The following QTMAN variants were observed in gnomAD, a reference collection of about 807,000 sequenced individuals.
QTMAN encodes queuosine-tRNA mannosyltransferase.
the QTMAN span, among the ~76,000 whole-genome samples, chr2:144,066,572 T>C: frequency 2.0e-5 from 3 of 152,172 alleles, no homozygotes; most frequent in Admixed American, 6.5e-5. Flanking sequence ...TCCCAGCACT[T>C]TGGGAGGCCG....
the QTMAN span, among the ~76,000 whole-genome samples, chr2:144,116,654 A>C: frequency 4.6e-5 from 7 of 152,224 alleles, no homozygotes; most frequent in Non-Finnish European, 7.3e-5. Flanking sequence ...GAGAGAGCAC[A>C]TGCAAGAGAA....
the QTMAN span, among the ~76,000 whole-genome samples, chr2:144,132,236 C>T: frequency 6.6e-6 from 1 of 151,854 alleles, no homozygotes; most frequent in South Asian, 2.1e-4. Context: ...AATTAAATTA[C>T]TGGGAAGTAA....
the QTMAN span, among the ~76,000 whole-genome samples, chr2:144,096,726 G>T: frequency 3.9e-5 from 6 of 152,246 alleles, no homozygotes; most frequent in Non-Finnish European, 2.9e-5. Context: ...AGCAATCAAA[G>T]TGCTCAGAAA....
the QTMAN span, among the ~76,000 whole-genome samples, chr2:143,978,256 T>A: frequency 6.6e-6 from 1 of 152,216 alleles, no homozygotes; most frequent in Non-Finnish European, 1.5e-5. Flanking sequence ...TTAGATGTGA[T>A]CCTTGCTTGG....
the QTMAN span, among the ~76,000 whole-genome samples, chr2:144,257,034 A>G: frequency 6.6e-6 from 1 of 151,964 alleles, no homozygotes; most frequent in Non-Finnish European, 1.5e-5. Flanking sequence ...CAAATAAACT[A>G]AAAAAATTTT....
the QTMAN span, among the ~76,000 whole-genome samples, chr2:144,156,953 G>A: frequency 2.0e-5 from 3 of 152,016 alleles, no homozygotes; most frequent in African/African-American, 7.2e-5. Context: ...GAGGTCATCT[G>A]CCCCACGTTA....
At chr2:144,305,472 T>C in the QTMAN span, among the ~76,000 whole-genome samples, 1 of 152,236 alleles carries the variant, frequency 6.6e-6, no homozygotes, top group East Asian at 1.9e-4. Context: ...TCTATCATTA[T>C]ACCAGTATCG....
the QTMAN span, among the ~76,000 whole-genome samples, chr2:143,995,819 T>C: frequency 1.3e-5 from 2 of 152,292 alleles, no homozygotes; most frequent in African/African-American, 4.8e-5. Flanking sequence ...CTCATCTAAA[T>C]AACAGACTTG....
At chr2:144,264,901 G>A in the QTMAN span, among the ~76,000 whole-genome samples, 1 of 152,188 alleles carries the variant, frequency 6.6e-6, no homozygotes, top group Non-Finnish European at 1.5e-5. Context: ...AGGAGAGAAG[G>A]AGCGCAATGG....
the QTMAN span, among the ~76,000 whole-genome samples, chr2:144,176,791 G>A: frequency 6.6e-6 from 1 of 152,098 alleles, no homozygotes; most frequent in African/African-American, 2.4e-5. Context: ...TGACTAAATG[G>A]AAAGCTGTAC....
the QTMAN span, among the ~76,000 whole-genome samples, chr2:144,252,439 T>C: frequency 6.6e-6 from 1 of 152,024 alleles, no homozygotes; most frequent in East Asian, 1.9e-4. Context: ...GAACAAACAC[T>C]TCACCAAAGA....
the QTMAN span, among the ~76,000 whole-genome samples, chr2:144,105,778 G>A: frequency 6.6e-6 from 1 of 152,128 alleles, no homozygotes; most frequent in African/African-American, 2.4e-5. Flanking sequence ...TCCTCGAGAA[G>A]AGTAACTCCA....
the QTMAN span, among the ~76,000 whole-genome samples, chr2:144,066,573 T>C: frequency 6.6e-6 from 1 of 152,218 alleles, no homozygotes. Flanking sequence ...CCCAGCACTT[T>C]GGGAGGCCGA....
At chr2:144,271,266 G>A in the QTMAN span, among the ~76,000 whole-genome samples, 110 of 152,242 alleles carry the variant, frequency 7.2e-4, no homozygotes, top group African/African-American at 2.5e-3. Flanking sequence ...CATAAAACAT[G>A]ACAGCAGTCA....
the QTMAN span, among the ~76,000 whole-genome samples, chr2:144,287,956 G>A: frequency 1.4e-4 from 21 of 152,152 alleles, no homozygotes; most frequent in Non-Finnish European, 1.5e-5. Context: ...CCGGGTTCAA[G>A]AGATTCTCCT....
chr2:144,148,273 C>T, the QTMAN span, among the ~76,000 whole-genome samples: 1 of 151,564 alleles, frequency 6.6e-6, no homozygotes, highest in African/African-American at 2.4e-5. Flanking sequence ...CCAAATGCTA[C>T]TACTAATAAT....
chr2:144,172,213 T>G, the QTMAN span, among the ~76,000 whole-genome samples: 2 of 152,168 alleles, frequency 1.3e-5, no homozygotes, highest in Admixed American at 1.3e-4. Context: ...ATAATTTAAA[T>G]TGCTTAAATT....
chr2:144,003,266 G>T, the QTMAN span, among the ~76,000 whole-genome samples: 11 of 151,940 alleles, frequency 7.2e-5, no homozygotes, highest in African/African-American at 2.7e-4. Context: ...CCTTGAGAGA[G>T]TGATCTTTCA....
chr2:144,256,613 C>T, the QTMAN span, among the ~76,000 whole-genome samples: 2 of 152,008 alleles, frequency 1.3e-5, no homozygotes, highest in Non-Finnish European at 2.9e-5. Flanking sequence ...GAAAACCAAA[C>T]GTTGCATGTT....
Sources: allele counts gnomAD v4.1 joint callset (sites outside exome capture counted in the v4.1 genomes callset), GRCh38; gene constraint gnomAD v4.1.1; transcripts MANE v1.5; gene names NCBI Gene and HGNC (gene_info 2026-07-23, HGNC 2026-07-21).